AGBL1: variants seen among roughly 807,000 people sequenced by gnomAD.
AGBL1 encodes the protein AGBL carboxypeptidase 1, also known as cytosolic carboxypeptidase 4.
A neutral mutation model predicts 118.9 loss-of-function variants in AGBL1; 130 were observed. The observed-to-expected ratio is 1.09, with a 90% CI of 0.95 to 1.26. The LOEUF is 1.26. AGBL1 is among the 50% of genes most tolerant of loss of function. The pLI is 0.00. For missense variants in AGBL1, 1,584 were observed against 1,298.1 expected, an observed-to-expected ratio of 1.22 and a Z score of -3.38; for synonymous variants, 555 against 478.9, an observed-to-expected ratio of 1.16 and a Z score of -2.08.
intron 23 of AGBL1, among the ~76,000 whole-genome samples, chr15:86,981,176 T>A (rs1365550135): frequency 1.3e-5 from 2 of 152,180 alleles, no homozygotes; most frequent in Non-Finnish European, 2.9e-5. Flanking sequence ...AACATTCTTA[T>A]AAGTATACTT....
intron 22 of AGBL1, among the ~76,000 whole-genome samples, chr15:86,883,322 C>A (rs2079922478): frequency 6.6e-6 from 1 of 152,154 alleles, no homozygotes; most frequent in African/African-American, 2.4e-5. Context: ...AGCTTCAGGC[C>A]TCCCTCTTCC....
chr15:86,271,826 C>A, intron 15 of AGBL1, 120 bp downstream of exon 15: 1 of 954,998 alleles, frequency 1.0e-6, no homozygotes, highest in Non-Finnish European at 1.6e-6. Context: ...AACTTTTTGT[C>A]ACTCTGTCCT....
intron 21 of AGBL1, among the ~76,000 whole-genome samples, chr15:86,600,834 C>T (rs1159583692): frequency 6.6e-6 from 1 of 152,124 alleles, no homozygotes; most frequent in Non-Finnish European, 1.5e-5. Context: ...TTCAGTGGCA[C>T]AGTTCCAAAG....
In AGBL1 at chr15:86,285,756, A is replaced by G. The variant is rs1360479120; in HGVS notation, c.2220+5973A>G. Among the ~76,000 whole-genome samples, 3 of 152,200 alleles carry G rather than the reference A, an allele frequency of 2.0e-5. No individual in the cohort carries two copies. In the East Asian group the frequency reaches 5.8e-4, roughly 29 times the overall value. On this transcript the variant is annotated intron_variant, in intron 16 of 22. Coordinates refer to ENST00000614907, the MANE Select transcript of AGBL1 (RefSeq NM_001386094.1). ...ATATTATTGTGGAAAATGTAATAAT[A>G]ATAATAACAAATTAAAAGATAACCC...
intron 23 of AGBL1, among the ~76,000 whole-genome samples, chr15:86,977,527 A>T (rs1257672041): frequency 6.6e-6 from 1 of 151,778 alleles, no homozygotes; most frequent in Non-Finnish European, 1.5e-5. Flanking sequence ...TATTGAAAAA[A>T]AGCTGTTTAT....
chr15:86,409,004 C>A (rs1251995360), intron 18 of AGBL1, among the ~76,000 whole-genome samples: 1 of 152,106 alleles, frequency 6.6e-6, no homozygotes, highest in African/African-American at 2.4e-5. Context: ...CTTTTGTTTA[C>A]AACTTTATAA....
At chr15:86,127,137 C>T (rs1682833243) in intron 1 of AGBL1, among the ~76,000 whole-genome samples, 1 of 152,186 alleles carries the variant, frequency 6.6e-6, no homozygotes, top group African/African-American at 2.4e-5. Flanking sequence ...AATACTTACT[C>T]TCTGATCCTT....
At chr15:86,536,901 C>T (rs16977767) in intron 19 of AGBL1, among the ~76,000 whole-genome samples, 7,796 of 152,096 alleles carry the variant, frequency 0.051, 612 homozygotes, top group African/African-American at 0.17. Flanking sequence ...CAGAGGCTTC[C>T]GATGAAGACA....
intron 18 of AGBL1, among the ~76,000 whole-genome samples, chr15:86,411,767 T>A (rs1476029998): frequency 6.6e-6 from 1 of 152,070 alleles, no homozygotes; most frequent in Non-Finnish European, 1.5e-5. Flanking sequence ...CTCTGCATAA[T>A]AACAAGGAAA....
At chr15:86,496,755 C>G (rs12441221) in intron 18 of AGBL1, among the ~76,000 whole-genome samples, 64,764 of 151,704 alleles carry the variant, frequency 0.43, 15,156 homozygotes, top group East Asian at 0.68. Flanking sequence ...TACATACATA[C>G]AATTGTACAT....
chr15:87,001,195 C>G (rs1032939277), intron 24 of AGBL1, among the ~76,000 whole-genome samples: 2 of 149,248 alleles, frequency 1.3e-5, no homozygotes, highest in African/African-American at 2.5e-5. Context: ...TTGACTTCCT[C>G]TTTTCCTAAT....
chr15:86,694,598 G>A (rs2086224242), intron 22 of AGBL1, among the ~76,000 whole-genome samples: 1 of 151,444 alleles, frequency 6.6e-6, no homozygotes, highest in Non-Finnish European at 1.5e-5. Flanking sequence ...TCTTTCTCTT[G>A]TCTGATTGCT....
chr15:86,111,764 C>T (rs1273180494), intron 1 of AGBL1, among the ~76,000 whole-genome samples: 3 of 152,158 alleles, frequency 2.0e-5, no homozygotes, highest in African/African-American at 4.8e-5. Flanking sequence ...AACCCCCGGG[C>T]CACAGACTGG....
chr15:87,027,658 G>T (rs543371175), intron 24 of AGBL1, among the ~76,000 whole-genome samples: 12 of 152,006 alleles, frequency 7.9e-5, no homozygotes, highest in Admixed American at 6.6e-4. Flanking sequence ...ATAGACTGGA[G>T]AAAGAAAATG....
intron 22 of AGBL1, among the ~76,000 whole-genome samples, chr15:86,804,043 G>A (rs1392442268): frequency 6.6e-6 from 1 of 152,076 alleles, no homozygotes; most frequent in Non-Finnish European, 1.5e-5. Flanking sequence ...TTCAGGAAAA[G>A]AGACATGAAA....
At chr15:86,753,464 C>T (rs1027133314) in intron 22 of AGBL1, among the ~76,000 whole-genome samples, 1 of 136,828 alleles carries the variant, frequency 7.3e-6, no homozygotes, top group African/African-American at 2.8e-5. Context: ...GTGGCATGAT[C>T]TTGACTCACT....
intron 17 of AGBL1, among the ~76,000 whole-genome samples, chr15:86,367,381 G>A (rs988137547): frequency 2.0e-5 from 3 of 152,126 alleles, no homozygotes; most frequent in African/African-American, 7.2e-5. Flanking sequence ...ATTGCATGAA[G>A]CATCTTTCCT....
chr15:86,625,046 G>T (rs1285509302), intron 21 of AGBL1, among the ~76,000 whole-genome samples: 1 of 152,152 alleles, frequency 6.6e-6, no homozygotes, highest in Admixed American at 6.5e-5. Flanking sequence ...CCACACCCAC[G>T]CAGCACCGGC....
intron 2 of AGBL1, among the ~76,000 whole-genome samples, chr15:86,142,906 C>T (rs1247422688): frequency 6.6e-6 from 1 of 152,196 alleles, no homozygotes; most frequent in Non-Finnish European, 1.5e-5. Context: ...TTGCCTCTTG[C>T]AGAGAATGCT....
Sources: allele counts gnomAD v4.1 joint callset (sites outside exome capture counted in the v4.1 genomes callset), GRCh38; gene constraint gnomAD v4.1.1; transcripts MANE v1.5; gene names NCBI Gene and HGNC (gene_info 2026-07-23, HGNC 2026-07-21).